Variants in PIEZO1 observed in about 807,000 individuals in gnomAD.
The protein encoded by PIEZO1 is piezo-type mechanosensitive ion channel component 1.
In PIEZO1, 296 loss-of-function variants were observed where a neutral mutation model predicts 297.2. That is an observed-to-expected ratio of 1.00 (90% confidence interval 0.91 to 1.10). The LOEUF (loss-of-function observed/expected upper bound fraction) is 1.10, where lower values mean the gene tolerates loss of function less well. PIEZO1 is among the 50% of genes least tolerant of loss of function. The probability of loss-of-function intolerance (pLI) is 0.00; values close to 1 mark genes in which losing one functional copy is unlikely to be tolerated. For synonymous variants in PIEZO1, 2,427 were observed against 1,507.5 expected (o/e 1.61, Z -14.13); for missense variants, 5,018 against 3,455.5 (o/e 1.45, Z -11.34).
chr16:88,722,172 C>T, intron 36 of PIEZO1, 46 bp downstream of exon 36: 9 of 1,529,896 alleles, frequency 5.9e-6, no homozygotes, highest in Non-Finnish European at 6.1e-6. Context: ...TCGGCTGCTC[C>T]CCGAGGGCCA....
Position 88,716,846 on chromosome 16 carries a change from T to G in PIEZO1, c.6713A>C (p.Gln2238Pro). 3 of 1,550,092 alleles carry G rather than the reference T, an allele frequency of 1.9e-6. No individual in the cohort carries two copies. The highest frequency in any genetic ancestry group is 2.6e-6 in the Non-Finnish European group (3 of 1,146,938). Reference sequence around the variant, plus strand: ...CTGCCGGGACAGCTCCTCATAGGCCTGGGCCGTGAAGGGGATGATGGACGG... The same window carrying G: ...CTGCCGGGACAGCTCCTCATAGGCCGGGGCCGTGAAGGGGATGATGGACGG... ...QQPSIIPFTA[Q>P]AYEELSRQFD... Residue 2238 changes from glutamine (Q) to proline (P), a missense_variant, in exon 46 of 51, where the codon CAG (glutamine) becomes CCG (proline). Coordinates refer to ENST00000301015, the MANE Select transcript of PIEZO1 (RefSeq NM_001142864.4).
rs1412613382 is a variant in PIEZO1, at chr16:88,716,021, C to T, written c.7228G>A (p.Glu2410Lys). The change falls in exon 50 of 51, where the codon GAG (glutamate) becomes AAG (lysine). Residue 2410 changes from glutamate to lysine, a missense_variant. By Grantham distance (56) the Glu-to-Lys change is moderately conservative. Transcript: ENST00000301015. ...AGCAGGTTGCAGTCGGTCCGGCACT[C>T]CTGCAGCTCGATGACCCACCATTCG... The part of the protein sequence containing the change: ...FLEWWVIELQ[E>K]CRTDCNLLPM... 6.5e-7 allele frequency: 1 copy of T among 1,550,132 alleles called. No individual in the cohort carries two copies. Among genetic ancestry groups the T allele is most frequent in the African/African-American group, 1.4e-5 (1 of 73,058 alleles).
At chr16:88,741,758 G>T (rs1236734904) in intron 4 of PIEZO1, 142 bp from the exon 5 acceptor site, 1 of 267,606 alleles carries the variant, frequency 3.7e-6, no homozygotes, top group Middle Eastern at 1.2e-3. Flanking sequence ...AGGTGCGGGT[G>T]GGAGTGTGGA....
intron 19 of PIEZO1, chr16:88,733,000 T>C: frequency 1.7e-6 from 1 of 580,256 alleles, no homozygotes; most frequent in Non-Finnish European, 3.1e-6. Context: ...TGCCTGACTG[T>C]CTCTCCCTGT....
At chr16:88,739,041 G>A (rs1027316202) in intron 5 of PIEZO1, 13 of 471,282 alleles carry the variant, frequency 2.8e-5, no homozygotes, top group African/African-American at 2.3e-4. Context: ...GGTACAGACA[G>A]ACCACAGACT....
intron 1 of PIEZO1, among the ~76,000 whole-genome samples, chr16:88,775,130 C>T (rs901182939): frequency 2.0e-5 from 3 of 152,172 alleles, no homozygotes; most frequent in Non-Finnish European, 2.9e-5. Context: ...CCAGGGACTC[C>T]GGAGCATGGC....
intron 1 of PIEZO1, among the ~76,000 whole-genome samples, chr16:88,761,566 T>C (rs1597480298): frequency 6.6e-6 from 1 of 152,150 alleles, no homozygotes; most frequent in East Asian, 1.9e-4. Context: ...TGCCTTTGCG[T>C]TCTCCCCGAT....
At chr16:88,743,571 G>A in intron 2 of PIEZO1, 1 of 456,692 alleles carries the variant, frequency 2.2e-6, no homozygotes, top group Non-Finnish European at 4.4e-6. Flanking sequence ...CAAACTCAGG[G>A]CCTGTGTCCA....
chr16:88,727,507 A>C (rs1904538947), intron 23 of PIEZO1, 50 bp downstream of exon 23: 1 of 715,950 alleles, frequency 1.4e-6, no homozygotes, highest in Non-Finnish European at 2.3e-6. Context: ...GGGGGCGTGA[A>C]TGTACTCTGA....
chr16:88,715,390 TACAGTAC>T lies in PIEZO1; in HGVS notation c.*208_*214del, dbSNP rs1037603751. On this transcript the variant is annotated 3_prime_UTR_variant, in exon 51 of 51. Transcript: ENST00000301015. ...CATTTTTTAATTAAAAAAAAAACTCTACAGTACACGTGGGGGACGGCAGCGCCACGCA... is the reference window on the plus strand; with the variant it reads ...CATTTTTTAATTAAAAAAAAAACTCTACGTGGGGGACGGCAGCGCCACGCA... 3 of 1,048,354 alleles carry T rather than the reference TACAGTAC, an allele frequency of 2.9e-6. No homozygotes were observed. The highest frequency in any genetic ancestry group is 2.6e-5 in the East Asian group (1 of 38,752). The allele number at this position is 1,048,354 out of a possible 1,614,324, so 64.9% of individuals were successfully genotyped here. A position where few individuals can be genotyped will look rare whatever the true frequency, so the allele number is the denominator to read the frequency against.
At chr16:88,764,913 G>A (rs1907103060) in intron 1 of PIEZO1, among the ~76,000 whole-genome samples, 1 of 152,170 alleles carries the variant, frequency 6.6e-6, no homozygotes, top group Admixed American at 6.5e-5. Flanking sequence ...TCACCCCAGA[G>A]AGGCAACAAG....
chr16:88,734,433 G>C lies in PIEZO1; in HGVS notation c.2103C>G (p.Phe701Leu), dbSNP rs1365478132. ...LLACILQLHY[F>L]HRPFMQLTDM... Reference sequence around the variant, plus strand: ...CGGTGAGCTGCATGAAGGGCCTGTGGAAGTAGTGCAGCTGCAGGATGCAGG... The same window carrying C: ...CGGTGAGCTGCATGAAGGGCCTGTGCAAGTAGTGCAGCTGCAGGATGCAGG... Residue 701 changes from phenylalanine (F) to leucine (L), a missense_variant, in exon 16 of 51, where the codon TTC becomes TTG. Coordinates refer to ENST00000301015, the MANE Select transcript of PIEZO1 (RefSeq NM_001142864.4). 1.3e-6 allele frequency: 2 copies of C among 1,549,916 alleles called. No homozygotes were observed. Among genetic ancestry groups the C allele is most frequent in the Non-Finnish European group, 8.7e-7 (1 of 1,146,756 alleles).
At chr16:88,783,899 C>T (rs930073940) in intron 1 of PIEZO1, among the ~76,000 whole-genome samples, 1 of 152,226 alleles carries the variant, frequency 6.6e-6, no homozygotes, top group South Asian at 2.1e-4. Flanking sequence ...GCAAGGGCTC[C>T]GAAAGGGCTT....
At chr16:88,784,148 G>A (rs925192494) in intron 1 of PIEZO1, among the ~76,000 whole-genome samples, 1 of 152,222 alleles carries the variant, frequency 6.6e-6, no homozygotes, top group Non-Finnish European at 1.5e-5. Context: ...ACCACTGCCC[G>A]GCAAGCAGGG....
Position 88,717,070 on chromosome 16 carries a change from T to G in PIEZO1, c.6613A>C (p.Asn2205His). 5 of 1,550,942 alleles carry G rather than the reference T, an allele frequency of 3.2e-6. No individual in the cohort carries two copies. The highest frequency in any genetic ancestry group is 4.4e-6 in the Non-Finnish European group (5 of 1,147,074). ...GTGACGGTGACATCGATGGGCTGGT[T>G]GACAACCCCAACCACGGAGCGCACC... is the stretch of plus-strand genomic sequence containing the variant. The part of the protein sequence containing the change: ...SLVRSVVGVV[N>H]QPIDVTVTLK... Residue 2205 changes from asparagine (N) to histidine (H), a missense_variant, in exon 45 of 51, where the codon AAC becomes CAC. Transcript: ENST00000301015.
At chr16:88,740,529 C>G (rs950253820) in intron 5 of PIEZO1, 2 of 152,352 alleles carry the variant, frequency 1.3e-5, no homozygotes, top group East Asian at 3.9e-4. Context: ...CCCGGAAAAG[C>G]CACTTGACCT....
intron 29 of PIEZO1, 135 bp downstream of exon 29, chr16:88,725,281 G>C: frequency 1.4e-6 from 1 of 701,596 alleles, no homozygotes. Flanking sequence ...CTGCCAGACA[G>C]AGGGTGATCA....
chr16:88,715,408 C>A lies in PIEZO1; in HGVS notation c.*197G>T. The A allele has an allele frequency of 1.0e-6, 1 of 969,666 alleles. No individual in the cohort carries two copies. Among genetic ancestry groups the A allele is most frequent in the Non-Finnish European group, 1.5e-6 (1 of 667,288 alleles). The allele number at this position is 969,666 out of a possible 1,614,324, so 60.1% of individuals were successfully genotyped here. Reference sequence around the variant, plus strand: ...AAAACTCTACAGTACACGTGGGGGACGGCAGCGCCACGCAGGCCGTGGGGA... The same window carrying A: ...AAAACTCTACAGTACACGTGGGGGAAGGCAGCGCCACGCAGGCCGTGGGGA... On this transcript the variant is annotated 3_prime_UTR_variant, in exon 51 of 51. Coordinates refer to ENST00000301015, the MANE Select transcript of PIEZO1 (RefSeq NM_001142864.4).
rs1458818902 is a variant in PIEZO1 at position 88,721,196 on chromosome 16, C to T, written c.5638G>A (p.Gly1880Ser). ...GCTGCCGCTCCTTTCCGTGCTGGGC[C>T]CTCCTTCTTCCTTCTTCTAAAACGT... Reference protein sequence around the residue: ...SLRFRRRKKEGPARKGAAAIE... With the variant: ...SLRFRRRKKESPARKGAAAIE... The change falls in exon 39 of 51, where the codon GGC becomes AGC. Residue 1880 changes from glycine (G) to serine (S), a missense_variant. By Grantham distance (56) the Gly-to-Ser change is moderately conservative. Transcript: ENST00000301015. The T allele has an allele frequency of 6.6e-7, 1 of 1,504,628 alleles. No individual in the cohort carries two copies. 93.2% of individuals were successfully genotyped at this position (1,504,628 alleles called of 1,614,324 possible).
Sources: gnomAD v4.1 joint callset for allele counts (sites outside exome capture counted in the v4.1 genomes callset) on GRCh38, gnomAD v4.1.1 for gene constraint, MANE v1.5 for transcripts, NCBI Gene and HGNC (gene_info 2026-07-23, HGNC 2026-07-21) for gene names.